The following LINGO2 variants were observed in gnomAD, a reference collection of about 807,000 sequenced individuals.
LINGO2 encodes the protein leucine rich repeat and Ig domain containing 2, also known as leucine-rich repeat and immunoglobulin-like domain-containing nogo receptor-interacting protein 2.
In LINGO2, 14 loss-of-function variants were observed where a neutral mutation model predicts 30.6. The ratio of observed to expected loss-of-function variants is 0.46; its 90% CI spans 0.30 to 0.72. LINGO2 has a LOEUF of 0.72. Ranked by LOEUF, LINGO2 falls within the 30% of genes least tolerant of loss-of-function variation. LINGO2 has a pLI of 0.07. For missense variants in LINGO2, 729 were observed against 751.7 expected (o/e 0.97, Z 0.35); for synonymous variants, 317 against 288.5 (o/e 1.10, Z -1.00).
chr9:28,868,467 C>T, the LINGO2 span, among the ~76,000 whole-genome samples: 7 of 152,056 alleles, frequency 4.6e-5, no homozygotes, highest in African/African-American at 1.4e-4. Flanking sequence ...GTTCTCCCTG[C>T]TTCAAGATTG....
chr9:28,553,665 T>A (rs887798275), intron 1 of LINGO2, among the ~76,000 whole-genome samples: 2 of 151,698 alleles, frequency 1.3e-5, no homozygotes, highest in African/African-American at 4.8e-5. Context: ...AAGATACTCC[T>A]CGAGAAGAGC....
At chr9:28,021,738 C>G (rs78388104) in intron 4 of LINGO2, among the ~76,000 whole-genome samples, 2,018 of 152,166 alleles carry the variant, frequency 0.013, 36 homozygotes, top group African/African-American at 0.046. Context: ...ATATAATGCT[C>G]TTTATCCCAG....
chr9:28,522,647 T>C (rs1380302386), intron 1 of LINGO2, among the ~76,000 whole-genome samples: 1 of 152,128 alleles, frequency 6.6e-6, no homozygotes, highest in East Asian at 1.9e-4. Context: ...AAATCACAAT[T>C]GAAATATATA....
At chr9:28,056,005 G>C (rs887500563) in intron 4 of LINGO2, among the ~76,000 whole-genome samples, 1 of 152,064 alleles carries the variant, frequency 6.6e-6, no homozygotes, top group Non-Finnish European at 1.5e-5. Flanking sequence ...GAGACGAAAA[G>C]AAAGAACATA....
At chr9:28,435,083 T>A (rs1025543966) in intron 2 of LINGO2, among the ~76,000 whole-genome samples, 4 of 152,144 alleles carry the variant, frequency 2.6e-5, no homozygotes, top group Non-Finnish European at 5.9e-5. Flanking sequence ...ACTTTGTCAC[T>A]GGTAATTTTT....
the LINGO2 span, among the ~76,000 whole-genome samples, chr9:28,686,142 T>C: frequency 4.6e-5 from 7 of 152,052 alleles, no homozygotes; most frequent in Non-Finnish European, 1.0e-4. Flanking sequence ...CATAAGGTCT[T>C]GTAATTGGAT....
chr9:28,273,188 A>G (rs1359397991), intron 4 of LINGO2, among the ~76,000 whole-genome samples: 1 of 152,182 alleles, frequency 6.6e-6, no homozygotes, highest in African/African-American at 2.4e-5. Flanking sequence ...GTATAAGCTG[A>G]CCACACGGCC....
intron 4 of LINGO2, among the ~76,000 whole-genome samples, chr9:28,142,401 T>A (rs1827698738): frequency 1.3e-5 from 2 of 152,132 alleles, no homozygotes; most frequent in Admixed American, 1.3e-4. Flanking sequence ...TAGTTGCAAG[T>A]TATGTAGCAA....
the LINGO2 span, among the ~76,000 whole-genome samples, chr9:29,170,234 T>C: frequency 6.6e-6 from 1 of 152,166 alleles, no homozygotes; most frequent in Non-Finnish European, 1.5e-5. Context: ...TTAAAAATGT[T>C]GTATATATAC....
At chr9:29,036,871 G>GA in the LINGO2 span, among the ~76,000 whole-genome samples, 1 of 151,752 alleles carries the variant, frequency 6.6e-6, no homozygotes, top group Non-Finnish European at 1.5e-5. Flanking sequence ...AAGGCTCATT[G>GA]AAAAAGGACA....
At chr9:28,567,982 T>C (rs1018332338) in intron 1 of LINGO2, among the ~76,000 whole-genome samples, 4 of 152,020 alleles carry the variant, frequency 2.6e-5, no homozygotes, top group Non-Finnish European at 5.9e-5. Flanking sequence ...AAATAAAAGA[T>C]TCAGCAAATC....
At chr9:28,242,461 A>T (rs898210877) in intron 4 of LINGO2, among the ~76,000 whole-genome samples, 1 of 152,174 alleles carries the variant, frequency 6.6e-6, no homozygotes, top group Non-Finnish European at 1.5e-5. Flanking sequence ...CCTCTGAGAA[A>T]TATGGGCCTA....
At chr9:28,069,522 A>G (rs945576582) in intron 4 of LINGO2, among the ~76,000 whole-genome samples, 7 of 152,182 alleles carry the variant, frequency 4.6e-5, no homozygotes, top group African/African-American at 9.7e-5. Context: ...TGATAATTTA[A>G]GCAGGACTCA....
At chr9:28,514,820 A>C (rs1254971064) in intron 1 of LINGO2, among the ~76,000 whole-genome samples, 1 of 152,186 alleles carries the variant, frequency 6.6e-6, no homozygotes, top group Non-Finnish European at 1.5e-5. Flanking sequence ...AATAGCCTTC[A>C]ATGTAGACAA....
At chr9:28,003,159 G>A (rs1424669492) in intron 5 of LINGO2, among the ~76,000 whole-genome samples, 3 of 152,130 alleles carry the variant, frequency 2.0e-5, no homozygotes, top group Non-Finnish European at 4.4e-5. Context: ...TGCCATATTT[G>A]TGATTATTTG....
At chr9:29,006,747 G>A in the LINGO2 span, among the ~76,000 whole-genome samples, 2 of 151,908 alleles carry the variant, frequency 1.3e-5, no homozygotes, top group African/African-American at 4.8e-5. Context: ...TAGTACAGTC[G>A]TATCACCTTA....
intron 4 of LINGO2, among the ~76,000 whole-genome samples, chr9:28,079,858 C>G (rs1162274862): frequency 6.6e-6 from 1 of 152,228 alleles, no homozygotes; most frequent in African/African-American, 2.4e-5. Flanking sequence ...TAACTCCAAA[C>G]AGACCATGTG....
intron 4 of LINGO2, among the ~76,000 whole-genome samples, chr9:28,219,324 C>T (rs1820878751): frequency 6.6e-6 from 1 of 152,070 alleles, no homozygotes; most frequent in East Asian, 1.9e-4. Flanking sequence ...CTTTCTTTAG[C>T]CTGCATAAAA....
At chr9:28,308,747 C>G (rs925180142) in intron 3 of LINGO2, among the ~76,000 whole-genome samples, 3 of 151,588 alleles carry the variant, frequency 2.0e-5, no homozygotes, top group Admixed American at 6.6e-5. Flanking sequence ...AAAAAACAAA[C>G]AACCCCATCA....
Sources: allele counts gnomAD v4.1 joint callset (sites outside exome capture counted in the v4.1 genomes callset), GRCh38; gene constraint gnomAD v4.1.1; transcripts MANE v1.5; gene names NCBI Gene and HGNC (gene_info 2026-07-23, HGNC 2026-07-21).